Variants in TNKS observed in about 807,000 individuals in gnomAD.
TNKS encodes the protein poly [ADP-ribose] polymerase tankyrase-1.
Under a neutral mutation model 135.8 loss-of-function variants are expected in TNKS, and 72 were observed. That is an observed-to-expected ratio of 0.53 (90% CI 0.44 to 0.64). The LOEUF (loss-of-function observed/expected upper bound fraction) is 0.64. Ranked by LOEUF, TNKS falls within the 30% of genes least tolerant of loss-of-function variation. TNKS has a pLI of 0.00. For synonymous variants in TNKS, 849 were observed against 649.3 expected, an observed-to-expected ratio of 1.31 and a Z score of -4.68; for missense variants, 1,769 against 1,674.0, an observed-to-expected ratio of 1.06 and a Z score of -0.99.
chr8:9,629,756 C>T (rs866927349), intron 3 of TNKS, among the ~76,000 whole-genome samples: 2 of 152,226 alleles, frequency 1.3e-5, no homozygotes. Context: ...CATCTCGGCT[C>T]ACTGCAACCT....
intron 5 of TNKS, among the ~76,000 whole-genome samples, chr8:9,692,536 A>G (rs1161733287): frequency 2.0e-5 from 3 of 152,202 alleles, no homozygotes; most frequent in Non-Finnish European, 4.4e-5. Context: ...CTGTCGTTAG[A>G]TGCGTTTAGC....
intron 3 of TNKS, among the ~76,000 whole-genome samples, chr8:9,675,944 A>G (rs553994975): frequency 1.3e-5 from 2 of 151,610 alleles, no homozygotes; most frequent in South Asian, 4.2e-4. Flanking sequence ...ACTTTTATAT[A>G]ATGCAAAGTG....
intron 3 of TNKS, 53 bp downstream of exon 3, chr8:9,615,730 AT>A: frequency 7.1e-7 from 1 of 1,409,964 alleles, no homozygotes; most frequent in Admixed American, 2.2e-5. Flanking sequence ...TCCTTACTTG[AT>A]TTTATAAAAT....
chr8:9,702,637 G>A (rs1234067776), intron 5 of TNKS, among the ~76,000 whole-genome samples: 5 of 152,226 alleles, frequency 3.3e-5, no homozygotes, highest in Admixed American at 3.3e-4. Flanking sequence ...ATCATTTGCA[G>A]TAGCATTTGA....
intron 2 of TNKS, among the ~76,000 whole-genome samples, chr8:9,614,594 G>A (rs960493902): frequency 3.3e-5 from 5 of 152,166 alleles, no homozygotes; most frequent in African/African-American, 1.2e-4. Flanking sequence ...GCTAAAGAAT[G>A]TATGTGCTTT....
At chr8:9,668,963 T>G in intron 3 of TNKS, among the ~76,000 whole-genome samples, 1 of 152,172 alleles carries the variant, frequency 6.6e-6, no homozygotes, top group African/African-American at 2.4e-5. Context: ...TTGATTATTA[T>G]TATTATTATT....
At chr8:9,748,822 A>G (rs35163827) in intron 18 of TNKS, among the ~76,000 whole-genome samples, 2,306 of 152,298 alleles carry the variant, frequency 0.015, 27 homozygotes, top group Middle Eastern at 0.048. Context: ...ATGATTCTGT[A>G]TGTTGGCTAG....
At chr8:9,716,714 C>G (rs988561055) in intron 11 of TNKS, among the ~76,000 whole-genome samples, 6 of 151,950 alleles carry the variant, frequency 3.9e-5, no homozygotes, top group African/African-American at 7.3e-5. Flanking sequence ...CTGTCTTTCT[C>G]TCTCTTTCTC....
At chr8:9,674,345 C>T (rs1181067378) in intron 3 of TNKS, among the ~76,000 whole-genome samples, 1 of 151,950 alleles carries the variant, frequency 6.6e-6, no homozygotes, top group Admixed American at 6.6e-5. Flanking sequence ...TTATTCAGTC[C>T]AGCATTTTTT....
chr8:9,689,969 A>T (rs1360427748), intron 5 of TNKS, among the ~76,000 whole-genome samples: 1 of 152,224 alleles, frequency 6.6e-6, no homozygotes, highest in East Asian at 1.9e-4. Context: ...TAAGATTGAA[A>T]ATATTAGTTA....
In TNKS at chr8:9,742,185, G is replaced by A. The variant is rs56302934; in HGVS notation, c.2644-5839G>A. Among the ~76,000 whole-genome samples the A allele has an allele frequency of 3.8e-3, 581 of 152,136 alleles. 7 individuals carry two copies. Among genetic ancestry groups the A allele is most frequent in the African/African-American group, 0.013 (538 of 41,506 alleles). ...GGTATTTTTACCTCATTGTGAGGGT[G>A]GATTGAGTCACTCAAAAATTTTTTT... On this transcript the variant is annotated intron_variant, in intron 17 of 26. Transcript: ENST00000310430.
chr8:9,590,058 G>A (rs140217305), intron 2 of TNKS, among the ~76,000 whole-genome samples: 109 of 152,296 alleles, frequency 7.2e-4, no homozygotes, highest in African/African-American at 2.6e-3. Context: ...GGGGCCCTGT[G>A]CAACTGCACA....
In TNKS at chr8:9,734,900, A is replaced by G. The variant is rs1174414108; in HGVS notation, c.2349A>G (p.Gly783=). The change falls in exon 16 of 27, where the codon GGA becomes GGG. Residue 783 remains glycine (G), a synonymous_variant. Transcript: ENST00000310430. ...ATCCAACTAAAAAGAACAGAGATGG[A>G]AATACACCTTTGGATTTGGTAAAGG... The part of the protein sequence containing the change: ...GADPTKKNRD[G]NTPLDLVKEG... 2 of 1,614,030 alleles carry G rather than the reference A, an allele frequency of 1.2e-6. No homozygotes were observed. Among genetic ancestry groups the G allele is most frequent in the East Asian group, 4.5e-5 (2 of 44,892 alleles).
rs565636216 is a variant in TNKS, at chr8:9,573,798, T to A, written c.674-6361T>A. On this transcript the variant is annotated intron_variant, in intron 1 of 26. Transcript: ENST00000310430. ...ACAGTCTAATTAGGGGGAAAATGAC[T>A]TTAAGATGTGATTTTGCTGCCATAG... 2.0e-5 allele frequency among the ~76,000 whole-genome samples: 3 copies of A among 152,320 alleles called. No homozygotes were observed. The South Asian group carries it at 6.2e-4, about 32-fold the overall frequency.
chr8:9,556,810 C>A (rs991698755), intron 1 of TNKS, 198 bp downstream of exon 1: 1 of 579,858 alleles, frequency 1.7e-6, no homozygotes, highest in Non-Finnish European at 3.0e-6. Context: ...ATAAGTGAAT[C>A]CAAGGAATTC....
intron 1 of TNKS, among the ~76,000 whole-genome samples, chr8:9,570,100 T>G (rs1209258448): frequency 6.6e-6 from 1 of 152,164 alleles, no homozygotes; most frequent in Non-Finnish European, 1.5e-5. Flanking sequence ...ATTTTAAAAA[T>G]TGTTCTTTTT....
intron 2 of TNKS, among the ~76,000 whole-genome samples, chr8:9,583,643 C>T (rs1229476180): frequency 6.6e-6 from 1 of 151,896 alleles, no homozygotes; most frequent in Non-Finnish European, 1.5e-5. Flanking sequence ...CGCATGCCAC[C>T]ATTCCCAGCT....
chr8:9,625,715 C>G (rs1311010039), intron 3 of TNKS, among the ~76,000 whole-genome samples: 1 of 152,036 alleles, frequency 6.6e-6, no homozygotes, highest in Non-Finnish European at 1.5e-5. Flanking sequence ...TCTCATGTTA[C>G]TTTCTAGTTT....
At chr8:9,674,212 G>C (rs188547371) in intron 3 of TNKS, among the ~76,000 whole-genome samples, 13 of 152,282 alleles carry the variant, frequency 8.5e-5, no homozygotes, top group Admixed American at 2.0e-4. Flanking sequence ...TGAAACTTTA[G>C]AAATCGTTTA....
Sources: allele counts gnomAD v4.1 joint callset (sites outside exome capture counted in the v4.1 genomes callset), GRCh38; gene constraint gnomAD v4.1.1; transcripts MANE v1.5; gene names NCBI Gene and HGNC (gene_info 2026-07-23, HGNC 2026-07-21).